Variants in PTPRA observed in about 807,000 individuals in gnomAD.
PTPRA encodes the protein receptor-type tyrosine-protein phosphatase alpha.
A neutral mutation model predicts 104.8 loss-of-function variants in PTPRA; 25 were observed. The observed-to-expected ratio is 0.24, with a 90% confidence interval of 0.17 to 0.33. PTPRA has a LOEUF of 0.33. Among genes scored for constraint, PTPRA ranks in the 10% least tolerant of loss-of-function variants. The pLI is 1.00. For synonymous variants in PTPRA, 323 were observed against 368.9 expected, an observed-to-expected ratio of 0.88 and a Z score of 1.43; for missense variants, 765 against 1,015.3, an observed-to-expected ratio of 0.75 and a Z score of 3.35.
At chr20:2,968,071 T>C (rs1195777638) in intron 5 of PTPRA, among the ~76,000 whole-genome samples, 1 of 152,238 alleles carries the variant, frequency 6.6e-6, no homozygotes, top group Non-Finnish European at 1.5e-5. Context: ...TCTGTCATTC[T>C]GGGAATTCCC....
chr20:2,954,479 T>C (rs1303287514), intron 3 of PTPRA, among the ~76,000 whole-genome samples: 1 of 152,182 alleles, frequency 6.6e-6, no homozygotes, highest in Non-Finnish European at 1.5e-5. Context: ...CACCTCGGCC[T>C]CCCAAAGTGC....
At chr20:2,875,051 C>CT (rs1352663739) in intron 1 of PTPRA, among the ~76,000 whole-genome samples, 2 of 152,220 alleles carry the variant, frequency 1.3e-5, no homozygotes, top group Non-Finnish European at 2.9e-5. Context: ...GCCCACCTTT[C>CT]TATCTCCCGT....
intron 6 of PTPRA, among the ~76,000 whole-genome samples, chr20:2,979,008 T>C (rs1391662977): frequency 6.6e-6 from 1 of 152,216 alleles, no homozygotes; most frequent in Non-Finnish European, 1.5e-5. Flanking sequence ...AAATGTTACC[T>C]CTTTTAGATC....
At chr20:3,006,970 G>A (rs558014366) in intron 10 of PTPRA, among the ~76,000 whole-genome samples, 24 of 152,140 alleles carry the variant, frequency 1.6e-4, no homozygotes, top group Non-Finnish European at 3.4e-4. Context: ...GGAGGGGGAT[G>A]TGTGTATGTG....
At chr20:2,931,705 G>T (rs2060509423) in intron 2 of PTPRA, among the ~76,000 whole-genome samples, 1 of 129,936 alleles carries the variant, frequency 7.7e-6, no homozygotes, top group Admixed American at 8.7e-5. Context: ...TGAAGGCAGG[G>T]ACGGGTCTTG....
At chr20:2,963,578 T>C (rs1439610757) in intron 3 of PTPRA, among the ~76,000 whole-genome samples, 1 of 151,794 alleles carries the variant, frequency 6.6e-6, no homozygotes. Context: ...CGGGCGACAG[T>C]GCAAGACTCC....
chr20:3,005,621 C>G (rs1303670475), intron 10 of PTPRA, among the ~76,000 whole-genome samples: 1 of 151,990 alleles, frequency 6.6e-6, no homozygotes, highest in African/African-American at 2.4e-5. Context: ...AGGTTGAAGA[C>G]TTTGGGCTGA....
intron 5 of PTPRA, among the ~76,000 whole-genome samples, chr20:2,974,029 G>A (rs968428142): frequency 8.1e-5 from 12 of 147,680 alleles, no homozygotes; most frequent in Admixed American, 2.1e-4. Context: ...TCTGCTCACC[G>A]CAAGCTCTGC....
chr20:2,890,431 T>A (rs1015583471), intron 1 of PTPRA, among the ~76,000 whole-genome samples: 1 of 152,204 alleles, frequency 6.6e-6, no homozygotes, highest in Non-Finnish European at 1.5e-5. Context: ...GTACTCTATG[T>A]ATTTGTTTGT....
rs971342435 is a variant in PTPRA at position 2,873,519 on chromosome 20, G to A, written c.-370G>A. ...GGCTGCGGCGAGTGCGGCGCTGACA[G>A]AGACGCGCGCGCGCGCGATCGCGCT... On this transcript the variant is annotated 5_prime_UTR_variant, in exon 1 of 24. Coordinates refer to ENST00000399903, the MANE Select transcript of PTPRA (RefSeq NM_001385305.1). This position sits in a 1 kb window ranked among gnomAD's most constrained non-coding sequence, Gnocchi z 4.4. 6.6e-6 allele frequency: 1 copy of A among 151,924 alleles called. No individual in the cohort carries two copies. The highest frequency in any genetic ancestry group is 2.4e-5 in the African/African-American group (1 of 41,432). 9.4% of individuals were successfully genotyped at this position (151,924 alleles called of 1,614,324 possible).
intron 20 of PTPRA, among the ~76,000 whole-genome samples, chr20:3,033,142 TTA>T (rs2065597080): frequency 6.6e-6 from 1 of 151,914 alleles, no homozygotes; most frequent in East Asian, 1.9e-4. Flanking sequence ...TCCTATGGCT[TTA>T]AGTACAACCC....
intron 1 of PTPRA, among the ~76,000 whole-genome samples, chr20:2,917,299 A>G (rs956055877): frequency 2.0e-5 from 3 of 151,940 alleles, no homozygotes; most frequent in Non-Finnish European, 4.4e-5. Context: ...ATGTCTTTCC[A>G]TTTATTTAGG....
chr20:2,935,157 C>G (rs1446685200), intron 2 of PTPRA, among the ~76,000 whole-genome samples: 4 of 152,104 alleles, frequency 2.6e-5, no homozygotes, highest in Non-Finnish European at 4.4e-5. Context: ...ATTCCCCTAC[C>G]CACCAACCTC....
the PTPRA span, chr20:2,864,185 G>A: frequency 7.4e-6 from 12 of 1,614,198 alleles, no homozygotes; most frequent in Non-Finnish European, 1.0e-5. This position sits in a 1 kb window ranked among gnomAD's most constrained non-coding sequence, Gnocchi z 5.2. Context: ...ACAGCTGCTG[G>A]AGTATGAGCC....
At chr20:2,978,960 C>T (rs1442567432) in intron 6 of PTPRA, among the ~76,000 whole-genome samples, 1 of 152,170 alleles carries the variant, frequency 6.6e-6, no homozygotes, top group African/African-American at 2.4e-5. Context: ...CTTGTGGATG[C>T]CAAAGCCAAT....
At chr20:3,013,234 AGTG>A (rs2064264941) in intron 11 of PTPRA, among the ~76,000 whole-genome samples, 2 of 152,194 alleles carry the variant, frequency 1.3e-5, no homozygotes, top group Non-Finnish European at 1.5e-5. Context: ...ACCATGGAGT[AGTG>A]GTGAAAGGCC....
chr20:3,005,718 C>G (rs1369325165), intron 10 of PTPRA, among the ~76,000 whole-genome samples: 2 of 151,982 alleles, frequency 1.3e-5, no homozygotes, highest in African/African-American at 4.8e-5. Context: ...TCTAGGAGGT[C>G]CTGGAGAACA....
At chr20:2,970,585 C>T (rs1426775339) in intron 5 of PTPRA, among the ~76,000 whole-genome samples, 2 of 152,174 alleles carry the variant, frequency 1.3e-5, no homozygotes, top group East Asian at 3.9e-4. Context: ...GTTCTTTGTA[C>T]GTTTGGGAAA....
At chr20:2,953,281 G>A (rs1398035700) in intron 3 of PTPRA, among the ~76,000 whole-genome samples, 1 of 151,606 alleles carries the variant, frequency 6.6e-6, no homozygotes, top group Admixed American at 6.6e-5. Flanking sequence ...TTGAGGCAGA[G>A]TCTCACTCTG....
Sources: gnomAD v4.1 joint callset for allele counts (sites outside exome capture counted in the v4.1 genomes callset) on GRCh38, gnomAD v4.1.1 for gene constraint, Gnocchi (gnomAD v3.1) non-coding constraint, MANE v1.5 for transcripts, NCBI Gene and HGNC (gene_info 2026-07-23, HGNC 2026-07-21) for gene names.